SNPH: variants seen among roughly 807,000 people sequenced by gnomAD.
SNPH encodes the protein syntaphilin.
SNPH carries 10 observed loss-of-function variants against 36.8 expected under a neutral mutation model. The ratio of observed to expected loss-of-function variants is 0.27; its 90% CI spans 0.17 to 0.46. The LOEUF (loss-of-function observed/expected upper bound fraction) is 0.46. Ranked by LOEUF, SNPH falls within the 20% of genes least tolerant of loss-of-function variation. SNPH has a pLI of 1.00. For missense variants in SNPH, 622 were observed against 744.0 expected (o/e 0.84, Z 1.91); for synonymous variants, 281 against 312.2 (o/e 0.90, Z 1.05).
Position 1,300,677 on chromosome 20 carries a change from C to T in SNPH, c.406C>T (p.Arg136Trp), listed in dbSNP as rs1449535134. The T allele has an allele frequency of 6.8e-6, 11 of 1,612,490 alleles. No homozygotes were observed. Among genetic ancestry groups the T allele is most frequent in the African/African-American group, 1.3e-5 (1 of 75,010 alleles). Residue 136 changes from arginine (R) to tryptophan (W), a missense_variant, in exon 6 of 7, where the codon CGG becomes TGG. Arg to Trp is a moderately radical substitution (Grantham distance 101). This residue lies in a region of SNPH where 187 missense variants were observed against 209.4 expected (regional missense o/e 0.89). Transcript: ENST00000381867. The part of the protein sequence containing the change: ...KEVCIRHLKA[R>W]LKDTQDRLQD... ...GGTGTGCATCCGGCACCTGAAAGCC[C>T]GGCTGAAGGACACACAGGACCGGCT...
intron 2 of SNPH, among the ~76,000 whole-genome samples, chr20:1,275,166 C>T (rs2088117067): frequency 6.6e-6 from 1 of 152,202 alleles, no homozygotes; most frequent in African/African-American, 2.4e-5. Context: ...CAGAGCCAGG[C>T]CTGGCTCATT....
At chr20:1,292,263 G>A (rs559638294) in intron 2 of SNPH, among the ~76,000 whole-genome samples, 1 of 152,308 alleles carries the variant, frequency 6.6e-6, no homozygotes, top group African/African-American at 2.4e-5. Flanking sequence ...TGCAATGTAT[G>A]CCTGAGGACA....
chr20:1,290,083 G>A (rs6134472), intron 2 of SNPH, among the ~76,000 whole-genome samples: 20 of 151,932 alleles, frequency 1.3e-4, no homozygotes, highest in Non-Finnish European at 2.5e-4. Flanking sequence ...GTGGTTGTGC[G>A]TGCCTGTAAT....
Position 1,306,008 on chromosome 20 carries a change from T to C in SNPH, c.1571T>C (p.Leu524Pro). ...ATCCGCAGGATCAGCTGCCGCTCGC[T>C]GAGCCAGCCGAGTCCCAGCCCAGCG... Reference protein sequence around the residue: ...HSIRRISCRSLSQPSPSPAGG... With the variant: ...HSIRRISCRSPSQPSPSPAGG... Residue 524 changes from leucine (L) to proline (P), a missense_variant, in exon 7 of 7, where the codon CTG (leucine) becomes CCG (proline). This residue lies in a region of SNPH where 379 missense variants were observed against 427.9 expected (regional missense o/e 0.89). Transcript: ENST00000381867. The C allele has an allele frequency of 6.6e-7, 1 of 1,524,568 alleles. No homozygotes were observed. Among genetic ancestry groups the C allele is most frequent in the Non-Finnish European group, 8.8e-7 (1 of 1,136,840 alleles). 94.4% of individuals were successfully genotyped at this position (1,524,568 alleles called of 1,614,324 possible). A position where few individuals can be genotyped will look rare whatever the true frequency, so the allele number is the denominator to read the frequency against.
In SNPH at chr20:1,266,736, G is replaced by A; in HGVS notation, c.-517G>A. ...GGGCCGGAGTGGTGCGAGCCGGCGG[G>A]GCTGCGGAGGGCCAGTGGACTCAGG... On this transcript the variant is annotated 5_prime_UTR_variant, in exon 2 of 7. Transcript: ENST00000381867. The surrounding 1 kb of genome is among the most constrained non-coding windows in gnomAD (Gnocchi z 6.0). The A allele has an allele frequency of 7.1e-7, 1 of 1,399,354 alleles. No homozygotes were observed. The highest frequency in any genetic ancestry group is 9.3e-7 in the Non-Finnish European group (1 of 1,080,654). 86.7% of individuals were successfully genotyped at this position (1,399,354 alleles called of 1,614,324 possible).
chr20:1,277,938 T>C, intron 2 of SNPH, among the ~76,000 whole-genome samples: 1 of 150,592 alleles, frequency 6.6e-6, no homozygotes, highest in Non-Finnish European at 1.5e-5. Flanking sequence ...TCTGCGTGTG[T>C]GCCTGTGTGT....
chr20:1,289,722 G>C (rs911167763), intron 2 of SNPH, among the ~76,000 whole-genome samples: 6 of 151,856 alleles, frequency 4.0e-5, no homozygotes, highest in Admixed American at 2.6e-4. Flanking sequence ...GTGGCTACTG[G>C]AAAGGCTGAG....
At chr20:1,286,039 G>A (rs893808188) in intron 2 of SNPH, among the ~76,000 whole-genome samples, 42 of 145,730 alleles carry the variant, frequency 2.9e-4, no homozygotes, top group African/African-American at 9.5e-4. Flanking sequence ...GCAGTGAGCC[G>A]AGATTGCGCC....
rs2088276817 is a variant in SNPH at position 1,285,724 on chromosome 20, T to C, written c.-492-9227T>C. Among the ~76,000 whole-genome samples, 1 of 152,170 alleles carries C rather than the reference T, an allele frequency of 6.6e-6. No individual in the cohort carries two copies. Among genetic ancestry groups the C allele is most frequent in the Non-Finnish European group, 1.5e-5 (1 of 68,034 alleles). ...AGTCATATTGGATCTAAAATTCAGT[T>C]ACATTTGATGTTCAAGCCGTGGTTT... On this transcript the variant is annotated intron_variant, in intron 2 of 6. Coordinates refer to ENST00000381867, the MANE Select transcript of SNPH (RefSeq NM_001318234.2). This position sits in a 1 kb window ranked among gnomAD's most constrained non-coding sequence, Gnocchi z 4.9.
intron 2 of SNPH, among the ~76,000 whole-genome samples, chr20:1,269,992 G>A (rs2088053273): frequency 6.6e-6 from 1 of 152,132 alleles, no homozygotes; most frequent in Admixed American, 6.5e-5. Context: ...AAGTGCACTG[G>A]ACTGGGTGTC....
Position 1,292,445 on chromosome 20 carries a change from C to T in SNPH, c.-492-2506C>T, listed in dbSNP as rs148091822. The stretch of plus-strand genomic sequence containing the variant: ...GCTCTGATTTTTACCTAATCTGGGA[C>T]TTCCAAGGAATTTTGAACAGGGTCC... On this transcript the variant is annotated intron_variant, in intron 2 of 6. Transcript: ENST00000381867. Among the ~76,000 whole-genome samples, 314 of 152,314 alleles carry T rather than the reference C, an allele frequency of 2.1e-3. 1 individual carries two copies. The highest frequency in any genetic ancestry group is 7.2e-3 in the African/African-American group (298 of 41,572).
At chr20:1,271,152 A>G (rs1342931592) in intron 2 of SNPH, among the ~76,000 whole-genome samples, 1 of 152,348 alleles carries the variant, frequency 6.6e-6, no homozygotes, top group East Asian at 1.9e-4. Context: ...AGCCTGGCAC[A>G]GCAGGAAGAG....
chr20:1,280,167 T>C (rs552607857), intron 2 of SNPH, among the ~76,000 whole-genome samples: 33 of 152,338 alleles, frequency 2.2e-4, no homozygotes, highest in African/African-American at 7.9e-4. Context: ...CGTGACTTCT[T>C]CTGCCAGACC....
intron 2 of SNPH, among the ~76,000 whole-genome samples, chr20:1,269,799 C>T (rs1414042005): frequency 6.6e-6 from 1 of 152,130 alleles, no homozygotes; most frequent in African/African-American, 2.4e-5. Context: ...TTTTAGTCTT[C>T]TTATGTGTTG....
rs1017034010 is a variant in SNPH at position 1,270,126 on chromosome 20, A to G, written c.-493+3366A>G. Among the ~76,000 whole-genome samples, 3 of 152,192 alleles carry G rather than the reference A, an allele frequency of 2.0e-5. No individual in the cohort carries two copies. The South Asian group carries it at 6.2e-4, about 32-fold the overall frequency. ...CATCTACTGGCTCCGAAAGGCCTAC[A>G]TGCACCCTTGTTCCAGTATTGGAGG... On this transcript the variant is annotated intron_variant, in intron 2 of 6. Coordinates refer to ENST00000381867, the MANE Select transcript of SNPH (RefSeq NM_001318234.2).
At position 1,305,729 on chromosome 20, in the gene SNPH, G is replaced by A. The variant is rs759307716; in HGVS notation, c.1292G>A (p.Arg431Gln). ...ATCACCCGTGGACCCACCCCACAGC[G>A]GCCTGGTGCCAACCCCAACCCTGGC... is the stretch of plus-strand genomic sequence containing the variant. ...EPITRGPTPQ[R>Q]PGANPNPGQS... is the part of the protein sequence containing the mutation. The change falls in exon 7 of 7, where the codon CGG (arginine) becomes CAG (glutamine). Residue 431 changes from arginine to glutamine, a missense_variant. Physicochemically the swap from Arg to Gln is conservative, Grantham distance 43 (BLOSUM62 1). Around this residue, in one of 3 missense-constraint regions of SNPH, gnomAD observed 379 missense variants for 427.9 expected, o/e 0.89. Transcript: ENST00000381867. 8 of 1,610,600 alleles carry A rather than the reference G, an allele frequency of 5.0e-6. No homozygotes were observed. Among genetic ancestry groups the A allele is most frequent in the African/African-American group, 4.0e-5 (3 of 74,934 alleles).
chr20:1,267,513 A>G (rs1365056601), intron 2 of SNPH, among the ~76,000 whole-genome samples: 1 of 152,170 alleles, frequency 6.6e-6, no homozygotes, highest in East Asian at 1.9e-4. Context: ...CGTGTAAGGA[A>G]AGTGCCAGAG....
intron 2 of SNPH, among the ~76,000 whole-genome samples, chr20:1,275,343 C>T (rs903110424): frequency 2.0e-5 from 3 of 152,168 alleles, no homozygotes; most frequent in African/African-American, 2.4e-5. Flanking sequence ...GATGTCCCCA[C>T]GAACACTGCT....
rs1415395855 is a variant in SNPH, at chr20:1,305,004, C to G, written c.567C>G (p.Leu189=). 5 of 1,613,984 alleles carry G rather than the reference C, an allele frequency of 3.1e-6. No homozygotes were observed. The highest frequency in any genetic ancestry group is 3.4e-6 in the Non-Finnish European group (4 of 1,180,064). The change falls in exon 7 of 7, where the codon CTC becomes CTG. Residue 189 remains leucine, a synonymous_variant. Transcript: ENST00000381867. ...AGGCCCGAAAGGAGATCAAGCAGCTCAAGCAGGTCATCGACACTGTCAAGA... is the reference window on the plus strand; with the variant it reads ...AGGCCCGAAAGGAGATCAAGCAGCTGAAGCAGGTCATCGACACTGTCAAGA... The part of the protein sequence containing the change: ...LKEARKEIKQ[L]KQVIDTVKNN...
Sources: gnomAD v4.1 joint callset for allele counts (sites outside exome capture counted in the v4.1 genomes callset) on GRCh38, gnomAD v4.1.1 for gene constraint, gnomAD v4.1.1 regional missense constraint, Gnocchi (gnomAD v3.1) non-coding constraint, MANE v1.5 for transcripts, NCBI Gene and HGNC (gene_info 2026-07-23, HGNC 2026-07-21) for gene names.